The following GPR84 variants were observed in gnomAD, a reference collection of about 807,000 sequenced individuals.
GPR84 encodes the protein G protein-coupled receptor 84.
In GPR84, 8 loss-of-function variants were observed where a neutral mutation model predicts 14.9. That is an observed-to-expected ratio of 0.54 (90% CI 0.31 to 0.97). The LOEUF (loss-of-function observed/expected upper bound fraction) is 0.97. Ranked by LOEUF, GPR84 falls within the 50% of genes least tolerant of loss-of-function variation. The pLI is 0.04. For missense variants in GPR84, 424 were observed against 498.7 expected (o/e 0.85, Z 1.43); for synonymous variants, 164 against 198.1 (o/e 0.83, Z 1.45).
chr12:54,356,470 A>G, the GPR84 span, among the ~76,000 whole-genome samples: 2 of 152,152 alleles, frequency 1.3e-5, no homozygotes, highest in Non-Finnish European at 2.9e-5. Flanking sequence ...ACCAGACTGT[A>G]TATCTTTCAG....
chr12:54,355,761 A>T, the GPR84 span, among the ~76,000 whole-genome samples: 47 of 152,274 alleles, frequency 3.1e-4, no homozygotes, highest in East Asian at 6.8e-3. Context: ...TATCACCAGT[A>T]TTGAGAAGTA....
At chr12:54,351,911 C>G in the GPR84 span, 3 of 152,206 alleles carry the variant, frequency 2.0e-5, no homozygotes, top group African/African-American at 7.2e-5. Flanking sequence ...GTTCCTCCAG[C>G]CCCCCGTCAT....
downstream of GPR84, among the ~76,000 whole-genome samples, chr12:54,357,676 CT>C (rs1159212518): frequency 2.0e-5 from 3 of 152,182 alleles, no homozygotes; most frequent in Admixed American, 6.5e-5. Flanking sequence ...GGGATCCAGG[CT>C]GTGGTCTGTG....
chr12:54,364,181 T>C, intron 1 of GPR84: 1 of 210,050 alleles, frequency 4.8e-6, no homozygotes, highest in East Asian at 1.1e-4. Flanking sequence ...CCCAGTGCCC[T>C]CCAACTTTTT....
chr12:54,359,475 A>G (rs1318278744), downstream of GPR84, among the ~76,000 whole-genome samples: 2 of 152,136 alleles, frequency 1.3e-5, no homozygotes. Context: ...AGGAGAAAAA[A>G]AAAGGCGATA....
At chr12:54,354,116 C>CTTTTT in the GPR84 span, among the ~76,000 whole-genome samples, 1 of 141,482 alleles carries the variant, frequency 7.1e-6, no homozygotes, top group African/African-American at 2.6e-5. Context: ...TTTCTCTTTT[C>CTTTTT]TTTTTTTTTT....
chr12:54,356,240 T>TGAAGAAA, the GPR84 span, among the ~76,000 whole-genome samples: 4 of 152,110 alleles, frequency 2.6e-5, no homozygotes, highest in African/African-American at 9.7e-5. Context: ...CAGTCTCACC[T>TGAAGAAA]GAAGAAAGAA....
chr12:54,362,735 T>C lies in GPR84; in HGVS notation c.1117A>G (p.Met373Val). Residue 373 changes from methionine (M) to valine (V), a missense_variant, in exon 2 of 2, where the codon ATG becomes GTG. By Grantham distance (21) the Met-to-Val change is conservative. Transcript: ENST00000267015. This position sits in a 1 kb window ranked among gnomAD's most constrained non-coding sequence, Gnocchi z 4.0. ...TATGCTTGGCGGAATTGGCGGTTCA[T>C]GGCTGCATAGAGCACAGGGTTGATG... ...GCINPVLYAA[M>V]NRQFRQAYGS... The C allele has an allele frequency of 6.2e-7, 1 of 1,614,174 alleles. No homozygotes were observed. The highest frequency in any genetic ancestry group is 1.1e-5 in the South Asian group (1 of 91,082).
chr12:54,360,585 A>G (rs548700073), downstream of GPR84, among the ~76,000 whole-genome samples: 126 of 152,262 alleles, frequency 8.3e-4, no homozygotes, highest in African/African-American at 2.9e-3. Flanking sequence ...TGGAAGGAGG[A>G]CAACCAAAAG....
Position 54,362,917 on chromosome 12 carries a change from G to A in GPR84, c.935C>T (p.Ser312Leu), listed in dbSNP as rs139990475. The change falls in exon 2 of 2, where the codon TCG (serine) becomes TTG (leucine). Residue 312 changes from serine to leucine, a missense_variant. Coordinates refer to ENST00000267015, the MANE Select transcript of GPR84 (RefSeq NM_020370.3). This position sits in a 1 kb window ranked among gnomAD's most constrained non-coding sequence, Gnocchi z 4.0. Reference sequence around the variant, plus strand: ...CATTCGAGTCACCTTCCCAAATTCCGATGAAGAATCCGGAGCTCTTCTGGC... The same window carrying A: ...CATTCGAGTCACCTTCCCAAATTCCAATGAAGAATCCGGAGCTCTTCTGGC... ...KGARRAPDSS[S>L]EFGKVTRMCF... The A allele has an allele frequency of 5.9e-5, 95 of 1,614,202 alleles. 1 individual carries two copies. The African/African-American group carries it at 1.0e-3, about 17-fold the overall frequency.
chr12:54,357,053 T>A, the GPR84 span, among the ~76,000 whole-genome samples: 8 of 152,220 alleles, frequency 5.3e-5, no homozygotes, highest in East Asian at 1.4e-3. Context: ...GGGGTGAGCA[T>A]AAGGAAGACA....
the GPR84 span, among the ~76,000 whole-genome samples, chr12:54,355,854 C>G: frequency 9.9e-5 from 15 of 152,270 alleles, no homozygotes; most frequent in African/African-American, 2.9e-4. Flanking sequence ...GGCTGGAAGG[C>G]TGGGTTCCAG....
the GPR84 span, among the ~76,000 whole-genome samples, chr12:54,352,471 G>A: frequency 1.3e-5 from 2 of 152,160 alleles, no homozygotes; most frequent in African/African-American, 4.8e-5. Flanking sequence ...CGCGGCGACA[G>A]AATGCTTTGG....
the GPR84 span, chr12:54,351,566 G>C: frequency 1.3e-5 from 2 of 152,126 alleles, no homozygotes; most frequent in African/African-American, 4.8e-5. Context: ...AAACCTTTGG[G>C]GTTTGGATTT....
chr12:54,360,543 G>A (rs1384352019), downstream of GPR84, among the ~76,000 whole-genome samples: 2 of 152,114 alleles, frequency 1.3e-5, no homozygotes, highest in Non-Finnish European at 2.9e-5. Flanking sequence ...AGTAGCCCCA[G>A]CTTGATTTGG....
In GPR84 at chr12:54,363,799, C is replaced by T. The variant is rs750343236; in HGVS notation, c.53G>A (p.Gly18Asp). The change falls in exon 2 of 2, where the codon GGC (glycine) becomes GAC (aspartate). Residue 18 changes from glycine to aspartate, a missense_variant. Coordinates refer to ENST00000267015, the MANE Select transcript of GPR84 (RefSeq NM_020370.3). Reference protein sequence around the residue: ...NFSCYHESVLGYRYVAVSWGV... With the variant: ...NFSCYHESVLDYRYVAVSWGV... The stretch of plus-strand genomic sequence containing the variant: ...CCAGCTAACTGCAACATAACGATAG[C>T]CCAGCACAGACTCATGGTAGCAGGA... The T allele has an allele frequency of 2.5e-6, 4 of 1,611,228 alleles. No homozygotes were observed. Among genetic ancestry groups the T allele is most frequent in the Non-Finnish European group, 3.4e-6 (4 of 1,178,646 alleles).
chr12:54,357,735 C>T (rs1197148673), downstream of GPR84, among the ~76,000 whole-genome samples: 2 of 152,148 alleles, frequency 1.3e-5, no homozygotes, highest in Non-Finnish European at 2.9e-5. Context: ...TGGTGACAGG[C>T]CAGAGAAATC....
chr12:54,359,260 C>A (rs1016341303), downstream of GPR84, among the ~76,000 whole-genome samples: 1 of 152,166 alleles, frequency 6.6e-6, no homozygotes, highest in African/African-American at 2.4e-5. Context: ...ACTCGTAAAT[C>A]GGCCTGTCAA....
chr12:54,363,223 T>C lies in GPR84; in HGVS notation c.629A>G (p.Gln210Arg), dbSNP rs747081231. The change falls in exon 2 of 2, where the codon CAG (glutamine) becomes CGG (arginine). Residue 210 changes from glutamine (Q) to arginine (R), a missense_variant. Gln to Arg is a conservative substitution (Grantham distance 43). Transcript: ENST00000267015. Reference sequence around the variant, plus strand: ...TCGCAACTTGTATTGGTCCAGTGCCTGTGCTGCTCGTTTGACCTGGCGGTG... The same window carrying C: ...TCGCAACTTGTATTGGTCCAGTGCCCGTGCTGCTCGTTTGACCTGGCGGTG... ...LIHRQVKRAAQALDQYKLRQA... is the reference protein window; with the variant it reads ...LIHRQVKRAARALDQYKLRQA... 5 of 1,614,244 alleles carry C rather than the reference T, an allele frequency of 3.1e-6. No homozygotes were observed. Among genetic ancestry groups the C allele is most frequent in the Non-Finnish European group, 3.4e-6 (4 of 1,180,042 alleles).
Sources: allele counts gnomAD v4.1 joint callset (sites outside exome capture counted in the v4.1 genomes callset), GRCh38; gene constraint gnomAD v4.1.1; non-coding constraint Gnocchi (gnomAD v3.1); transcripts MANE v1.5; gene names NCBI Gene and HGNC (gene_info 2026-07-23, HGNC 2026-07-21).